The following ACOX2 variants were observed in gnomAD, a reference collection of about 807,000 sequenced individuals.
ACOX2 encodes peroxisomal acyl-coenzyme A oxidase 2.
In ACOX2, 59 loss-of-function variants were observed where a neutral mutation model predicts 77.5. The ratio of observed to expected loss-of-function variants is 0.76; its 90% CI spans 0.62 to 0.95. The LOEUF is 0.95. Among genes scored for constraint, ACOX2 ranks in the 40% least tolerant of loss-of-function variants. ACOX2 has a pLI of 0.00. For missense variants in ACOX2, 837 were observed against 880.4 expected (o/e 0.95, Z 0.62); for synonymous variants, 317 against 340.1 (o/e 0.93, Z 0.75).
chr3:58,507,770 G>T (rs987845298), intron 14 of ACOX2, among the ~76,000 whole-genome samples: 1 of 152,238 alleles, frequency 6.6e-6, no homozygotes, highest in African/African-American at 2.4e-5. Flanking sequence ...TGAGTTAAAA[G>T]GATGTCTTTC....
Position 58,521,074 on chromosome 3 carries a change from G to T in ACOX2, c.1632+1422C>A, listed in dbSNP as rs904363295. On this transcript the variant is annotated intron_variant, in intron 12 of 14. Transcript: ENST00000302819. This position sits in a 1 kb window ranked among gnomAD's most constrained non-coding sequence, Gnocchi z 4.8. ...TGGAAAATGAATGAGTGGATAATGG[G>T]TGGCTGTGGTTTCTGTTTTGGTGAT... Among the ~76,000 whole-genome samples, 2 of 152,246 alleles carry T rather than the reference G, an allele frequency of 1.3e-5. No individual in the cohort carries two copies. Among genetic ancestry groups the T allele is most frequent in the African/African-American group, 4.8e-5 (2 of 41,464 alleles).
In ACOX2 at chr3:58,522,554, C is replaced by T; in HGVS notation, c.1574G>A (p.Gly525Glu). The change falls in exon 12 of 15, where the codon GGA becomes GAA. Residue 525 changes from glycine to glutamate, a missense_variant. Coordinates refer to ENST00000302819, the MANE Select transcript of ACOX2 (RefSeq NM_003500.4). The surrounding 1 kb of genome is among the most constrained non-coding windows in gnomAD (Gnocchi z 4.3). ...VQHLQTLTQS[G>E]ADQHEAWNQT... ...GTTCCAAGCCTCGTGCTGGTCAGCT[C>T]CGGATTGCGTCAGGGTCTGTAAATG... 1 of 1,614,172 alleles carries T rather than the reference C, an allele frequency of 6.2e-7. No individual in the cohort carries two copies. Among genetic ancestry groups the T allele is most frequent in the Non-Finnish European group, 8.5e-7 (1 of 1,180,032 alleles).
At chr3:58,508,629 G>A (rs2063251733) in intron 14 of ACOX2, among the ~76,000 whole-genome samples, 1 of 152,202 alleles carries the variant, frequency 6.6e-6, no homozygotes, top group Admixed American at 6.5e-5. Context: ...CCATGATTTA[G>A]AGCTTGGGCC....
chr3:58,532,221 T>C (rs941595572), intron 5 of ACOX2, among the ~76,000 whole-genome samples: 4 of 152,102 alleles, frequency 2.6e-5, no homozygotes, highest in African/African-American at 9.7e-5. Flanking sequence ...CTGAAGGTCA[T>C]TGGCCTGGAG....
chr3:58,536,345 A>G (rs1455841774), intron 1 of ACOX2, among the ~76,000 whole-genome samples: 3 of 152,182 alleles, frequency 2.0e-5, no homozygotes, highest in Non-Finnish European at 4.4e-5. Flanking sequence ...GCAGGCTGCC[A>G]TGCTTTTGAT....
rs1258363689 is a variant in ACOX2 at position 58,525,424 on chromosome 3, G to A, written c.1347-819C>T. 1.3e-5 allele frequency among the ~76,000 whole-genome samples: 2 copies of A among 152,206 alleles called. No homozygotes were observed. Among genetic ancestry groups the A allele is most frequent in the Non-Finnish European group, 2.9e-5 (2 of 68,040 alleles). On this transcript the variant is annotated intron_variant, in intron 10 of 14. Coordinates refer to ENST00000302819, the MANE Select transcript of ACOX2 (RefSeq NM_003500.4). This position sits in a 1 kb window ranked among gnomAD's most constrained non-coding sequence, Gnocchi z 5.0. ...GGATGAGGCTCTGTCGGCCTCCAGG[G>A]CCCACAGACCTAAGAGGGATGAAAA...
Position 58,531,860 on chromosome 3 carries a change from G to C in ACOX2, c.584-48C>G. 1 of 1,568,294 alleles carries C rather than the reference G, an allele frequency of 6.4e-7. No homozygotes were observed. The highest frequency in any genetic ancestry group is 8.6e-7 in the Non-Finnish European group (1 of 1,157,944). On this transcript the variant is annotated intron_variant, in intron 5 of 14. Transcript: ENST00000302819. This position sits in a 1 kb window ranked among gnomAD's most constrained non-coding sequence, Gnocchi z 5.8. ...CCCGTCACAGGAAGACCTGTGCATT[G>C]CTTTTCCCAACCAACCCAGCCTCCT...
Position 58,531,053 on chromosome 3 carries a change from G to A in ACOX2, c.819+198C>T, listed in dbSNP as rs1159253780. 1.3e-5 allele frequency among the ~76,000 whole-genome samples: 2 copies of A among 152,224 alleles called. No homozygotes were observed. The highest frequency in any genetic ancestry group is 1.3e-4 in the Admixed American group (2 of 15,288). On this transcript the variant is annotated intron_variant, in intron 7 of 14. Coordinates refer to ENST00000302819, the MANE Select transcript of ACOX2 (RefSeq NM_003500.4). The surrounding 1 kb of genome is among the most constrained non-coding windows in gnomAD (Gnocchi z 5.8). ...ATGTGACGAGCATTTCTGCATGAGA[G>A]GTCTGAGGCTCTGTGCCCAAGATCA...
chr3:58,509,630 T>TTTTTG (rs1480043871), intron 13 of ACOX2, among the ~76,000 whole-genome samples: 1 of 125,676 alleles, frequency 8.0e-6, no homozygotes, highest in Non-Finnish European at 1.6e-5. Flanking sequence ...TTTTTTTTGA[T>TTTTTG]ACAGAGTCTC....
intron 12 of ACOX2, among the ~76,000 whole-genome samples, chr3:58,520,446 A>G (rs1357457421): frequency 6.6e-6 from 1 of 152,250 alleles, no homozygotes; most frequent in Non-Finnish European, 1.5e-5. Flanking sequence ...CCACGGCCTG[A>G]CAGAGCCTAA....
intron 13 of ACOX2, among the ~76,000 whole-genome samples, chr3:58,510,663 AATATATATATATATATATAT>A (rs1364040351): frequency 7.0e-5 from 1 of 14,372 alleles, no homozygotes; most frequent in Non-Finnish European, 1.2e-4. Context: ...AAAAAAAAAA[AATATATATATATATATATAT>A]ATATATATAT....
intron 12 of ACOX2, among the ~76,000 whole-genome samples, chr3:58,517,752 G>A (rs911384967): frequency 2.6e-5 from 4 of 152,094 alleles, no homozygotes; most frequent in African/African-American, 9.7e-5. Context: ...TGGGGAAGGT[G>A]GAGGACAGCA....
intron 9 of ACOX2, among the ~76,000 whole-genome samples, chr3:58,527,320 G>A (rs145501308): frequency 0.018 from 2,711 of 152,110 alleles, 38 homozygotes; most frequent in South Asian, 0.045. Flanking sequence ...GGTGGATCAC[G>A]AGGTCAGGAG....
chr3:58,517,239 C>G lies in ACOX2; in HGVS notation c.1817G>C (p.Arg606Thr). Residue 606 changes from arginine (R) to threonine (T), a missense_variant, in exon 13 of 15, where the codon AGA becomes ACA. Physicochemically the swap from Arg to Thr is moderately conservative, Grantham distance 71. Coordinates refer to ENST00000302819, the MANE Select transcript of ACOX2 (RefSeq NM_003500.4). ...GCGGAGCAGGTCCAGGTAGGCTGTT[C>G]TTGCCATGTCCACTTGGGCACCAGA... Reference protein sequence around the residue: ...FLSGAQVDMARTAYLDLLRLI... With the variant: ...FLSGAQVDMATTAYLDLLRLI... 2 of 1,614,096 alleles carry G rather than the reference C, an allele frequency of 1.2e-6. No individual in the cohort carries two copies. Among genetic ancestry groups the G allele is most frequent in the East Asian group, 2.2e-5 (1 of 44,876 alleles).
intron 5 of ACOX2, among the ~76,000 whole-genome samples, chr3:58,532,348 C>T (rs996751191): frequency 6.6e-6 from 1 of 152,014 alleles, no homozygotes; most frequent in Admixed American, 6.6e-5. Context: ...TCATCACTCT[C>T]TCATCTCTCT....
At position 58,531,702 on chromosome 3, in the gene ACOX2, G is replaced by T. The variant is rs2063441041; in HGVS notation, c.694C>A (p.Pro232Thr). ...AGCATTATGGGCTTACCTGGCAGTGGGGTGTGGTCCTGAAGACTCCGGATT... is the reference window on the plus strand; with the variant it reads ...AGCATTATGGGCTTACCTGGCAGTGTGGTGTGGTCCTGAAGACTCCGGATT... Reference protein sequence around the residue: ...VPIRSLQDHTPLPGIIIGDIG... With the variant: ...VPIRSLQDHTTLPGIIIGDIG... Residue 232 changes from proline to threonine, a missense_variant, in exon 6 of 15, where the codon CCA (proline) becomes ACA (threonine). By Grantham distance (38) the Pro-to-Thr change is conservative. Transcript: ENST00000302819. This position sits in a 1 kb window ranked among gnomAD's most constrained non-coding sequence, Gnocchi z 5.8. 6.2e-7 allele frequency: 1 copy of T among 1,614,074 alleles called. No homozygotes were observed. The highest frequency in any genetic ancestry group is 8.5e-7 in the Non-Finnish European group (1 of 1,179,986).
At position 58,524,314 on chromosome 3, in the gene ACOX2, G is replaced by A. The variant is rs893754426; in HGVS notation, c.1526+112C>T. ...GAGAGGACCGGGGAGGCTAGGCATG[G>A]GGTGGTTTTTAGAACTGAATCCACG... On this transcript the variant is annotated intron_variant, in intron 11 of 14. Transcript: ENST00000302819. The surrounding 1 kb of genome is among the most constrained non-coding windows in gnomAD (Gnocchi z 5.5). 7.4e-7 allele frequency: 1 copy of A among 1,346,956 alleles called. No individual in the cohort carries two copies. Among genetic ancestry groups the A allele is most frequent in the African/African-American group, 1.5e-5 (1 of 68,864 alleles). 83.4% of individuals were successfully genotyped at this position (1,346,956 alleles called of 1,614,324 possible). A position where few individuals can be genotyped will look rare whatever the true frequency, so the allele number is the denominator to read the frequency against.
intron 13 of ACOX2, among the ~76,000 whole-genome samples, chr3:58,513,426 C>G (rs2063301059): frequency 6.6e-6 from 1 of 152,070 alleles, no homozygotes; most frequent in Admixed American, 6.6e-5. Context: ...TTTTAAAAGT[C>G]CTCCTTTTTT....
At position 58,534,046 on chromosome 3, in the gene ACOX2, G is replaced by A. The variant is rs200772285; in HGVS notation, c.423C>T (p.Leu141=). 2.5e-5 allele frequency: 40 copies of A among 1,614,072 alleles called. 1 individual carries two copies. The Admixed American group carries it at 6.3e-4, about 26-fold the overall frequency. The change falls in exon 4 of 15, where the codon CTC becomes CTT. Residue 141 remains leucine (L), a synonymous_variant. Coordinates refer to ENST00000302819, the MANE Select transcript of ACOX2 (RefSeq NM_003500.4). The surrounding 1 kb of genome is among the most constrained non-coding windows in gnomAD (Gnocchi z 4.8). ...TTGCGATGATCTGGATGTTTTTGCA[G>A]AGTGGGTCCCATTTGGCAATCTGCT... The part of the protein sequence containing the change: ...SEEQIAKWDP[L]CKNIQIIATY...
Sources: allele counts gnomAD v4.1 joint callset (sites outside exome capture counted in the v4.1 genomes callset), GRCh38; gene constraint gnomAD v4.1.1; non-coding constraint Gnocchi (gnomAD v3.1); transcripts MANE v1.5; gene names NCBI Gene and HGNC (gene_info 2026-07-23, HGNC 2026-07-21).